Variants in KLHL5 observed in about 807,000 individuals in gnomAD.
KLHL5 encodes kelch-like protein 5.
A neutral mutation model predicts 77.7 loss-of-function variants in KLHL5; 48 were observed. The ratio of observed to expected loss-of-function variants is 0.62; its 90% CI spans 0.49 to 0.79. KLHL5 has a LOEUF of 0.79. Among genes scored for constraint, KLHL5 ranks in the 30% least tolerant of loss-of-function variants. KLHL5 has a pLI of 0.00. For missense variants in KLHL5, 723 were observed against 859.7 expected (o/e 0.84, Z 1.99); for synonymous variants, 260 against 297.0 (o/e 0.88, Z 1.28).
chr4:39,100,390 C>T (rs2711997), intron 6 of KLHL5, among the ~76,000 whole-genome samples: 106,435 of 152,114 alleles, frequency 0.7, 37,525 homozygotes, highest in East Asian at 0.83. Context: ...TGCCATCCTT[C>T]TAATTCCAGT....
At position 39,113,015 on chromosome 4, in the gene KLHL5, T is replaced by C. The variant is rs192936481; in HGVS notation, c.1689-5T>C. The C allele has an allele frequency of 7.3e-3, 11,813 of 1,611,144 alleles. 76 individuals are homozygous for C. The highest frequency in any genetic ancestry group is 8.8e-3 in the Non-Finnish European group (10,348 of 1,178,494). Reference sequence around the variant, plus strand: ...TATTTATCATTTCATATATTCTTTTTGCAGACTTTATGCAGTTGGTGGTCG... The same window carrying C: ...TATTTATCATTTCATATATTCTTTTCGCAGACTTTATGCAGTTGGTGGTCG... On this transcript the variant is annotated splice_region_variant and splice_polypyrimidine_tract_variant and intron_variant, in intron 8 of 10. Transcript: ENST00000504108.
chr4:39,087,225 T>G (rs1315436374), intron 5 of KLHL5, among the ~76,000 whole-genome samples: 1 of 152,100 alleles, frequency 6.6e-6, no homozygotes, highest in East Asian at 1.9e-4. Context: ...TTAAGTAACA[T>G]TCTTGATTTT....
chr4:39,088,892 A>T (rs1233096285), intron 5 of KLHL5, among the ~76,000 whole-genome samples: 1 of 152,182 alleles, frequency 6.6e-6, no homozygotes, highest in Non-Finnish European at 1.5e-5. Flanking sequence ...GGACTGCAGA[A>T]ATAAAAGGGG....
chr4:39,141,610 C>CG, the KLHL5 span, among the ~76,000 whole-genome samples: 3 of 151,964 alleles, frequency 2.0e-5, no homozygotes, highest in African/African-American at 7.3e-5. Flanking sequence ...CGAGCCCGGC[C>CG]TATTTTTTAG....
upstream of KLHL5, among the ~76,000 whole-genome samples, chr4:39,058,088 A>G (rs1480441229): frequency 6.6e-6 from 1 of 152,212 alleles, no homozygotes; most frequent in Non-Finnish European, 1.5e-5. Flanking sequence ...TTCATAATTG[A>G]CACATATTAT....
At chr4:39,103,826 T>C (rs1032716298) in intron 7 of KLHL5, among the ~76,000 whole-genome samples, 3 of 94,496 alleles carry the variant, frequency 3.2e-5, no homozygotes, top group African/African-American at 1.3e-4. Context: ...GGGAAATTTT[T>C]TTTTTTTAAT....
At chr4:39,065,624 G>A (rs1218348195) in intron 1 of KLHL5, among the ~76,000 whole-genome samples, 1 of 152,042 alleles carries the variant, frequency 6.6e-6, no homozygotes, top group African/African-American at 2.4e-5. Flanking sequence ...AAAGTGCTGG[G>A]ATTACAGGCG....
the KLHL5 span, among the ~76,000 whole-genome samples, chr4:39,134,959 C>T: frequency 6.6e-6 from 1 of 152,116 alleles, no homozygotes; most frequent in Non-Finnish European, 1.5e-5. Flanking sequence ...TATGAATAGC[C>T]ACCTAAGGAG....
At chr4:39,088,371 G>A (rs78308239) in intron 5 of KLHL5, among the ~76,000 whole-genome samples, 1,535 of 152,242 alleles carry the variant, frequency 0.01, 23 homozygotes, top group African/African-American at 0.035. Context: ...GACCAAAAAA[G>A]TAAATCCATA....
chr4:39,061,914 G>GT (rs1717453028), upstream of KLHL5, among the ~76,000 whole-genome samples: 1 of 152,106 alleles, frequency 6.6e-6, no homozygotes, highest in African/African-American at 2.4e-5. Context: ...GGATCTTACT[G>GT]TATTAATTAG....
At chr4:39,112,639 A>T in intron 8 of KLHL5, 1 of 192,808 alleles carries the variant, frequency 5.2e-6, no homozygotes, top group Middle Eastern at 2.3e-3. Flanking sequence ...TTCCTTGATA[A>T]TAAAGTCTTA....
At chr4:39,058,284 A>G (rs1312676228), upstream of KLHL5, among the ~76,000 whole-genome samples, 1 of 152,196 alleles carries the variant, frequency 6.6e-6, no homozygotes, top group Non-Finnish European at 1.5e-5. Flanking sequence ...ATGAATAGAA[A>G]AAAGAAATTC....
At chr4:39,067,199 G>C (rs1192979793) in intron 1 of KLHL5, among the ~76,000 whole-genome samples, 1 of 152,152 alleles carries the variant, frequency 6.6e-6, no homozygotes, top group Non-Finnish European at 1.5e-5. Flanking sequence ...CCTCTTGGCT[G>C]TGACAGTTTC....
intron 6 of KLHL5, among the ~76,000 whole-genome samples, chr4:39,102,831 G>T (rs561497920): frequency 1.3e-4 from 20 of 152,230 alleles, no homozygotes; most frequent in African/African-American, 4.3e-4. Flanking sequence ...TCCCAGTCAC[G>T]TCTCAACCAC....
chr4:39,132,483 C>T, the KLHL5 span, among the ~76,000 whole-genome samples: 1 of 152,216 alleles, frequency 6.6e-6, no homozygotes, highest in Admixed American at 6.5e-5. Flanking sequence ...ATGGTGCGCA[C>T]CTGTAGTCCC....
chr4:39,114,591 C>T (rs1222141671), intron 9 of KLHL5, among the ~76,000 whole-genome samples: 1 of 152,176 alleles, frequency 6.6e-6, no homozygotes, highest in Non-Finnish European at 1.5e-5. Flanking sequence ...CAATTGAGAC[C>T]TATGCTCGTT....
In KLHL5 at chr4:39,101,144, A is replaced by ATATATATC. The variant is rs1560432495; in HGVS notation, c.1301-2140_1301-2139insATATCTAT. 1.1e-4 allele frequency among the ~76,000 whole-genome samples: 16 copies of ATATATATC among 148,186 alleles called. 1 individual carries two copies. The highest frequency in any genetic ancestry group is 8.9e-5 in the Non-Finnish European group (6 of 67,154). ...TTGGATTTTATATATATATATATAT[A>ATATATATC]TATCTACCTGAGACTGTGTTTTAAT... On this transcript the variant is annotated intron_variant, in intron 6 of 10. Coordinates refer to ENST00000504108, the MANE Select transcript of KLHL5 (RefSeq NM_015990.5).
intron 1 of KLHL5, among the ~76,000 whole-genome samples, chr4:39,069,433 TATATATATATATATATA>T (rs1718209650): frequency 5.1e-5 from 1 of 19,666 alleles, no homozygotes; most frequent in African/African-American, 4.0e-4. Context: ...TAACATTTTA[TATATATATATATATATA>T]TATATATATA....
intron 1 of KLHL5, among the ~76,000 whole-genome samples, chr4:39,056,786 A>T (rs1221746555): frequency 6.6e-6 from 1 of 152,180 alleles, no homozygotes. Flanking sequence ...CTCCTTACTT[A>T]TGTTAATTTT....
Sources: allele counts gnomAD v4.1 joint callset (sites outside exome capture counted in the v4.1 genomes callset), GRCh38; gene constraint gnomAD v4.1.1; transcripts MANE v1.5; gene names NCBI Gene and HGNC (gene_info 2026-07-23, HGNC 2026-07-21).